The following ARB2A variants were observed in gnomAD, a reference collection of about 807,000 sequenced individuals.
ARB2A encodes cotranscriptional regulator ARB2A.
the ARB2A span, among the ~76,000 whole-genome samples, chr5:93,700,939 C>T: frequency 6.6e-6 from 1 of 151,974 alleles, no homozygotes; most frequent in South Asian, 2.1e-4. Context: ...ACAATGGTAA[C>T]CAAATGAAAA....
chr5:93,853,164 G>A, the ARB2A span, among the ~76,000 whole-genome samples: 1 of 151,966 alleles, frequency 6.6e-6, no homozygotes, highest in Non-Finnish European at 1.5e-5. Flanking sequence ...CCTTGAAGAG[G>A]TCCTTCACGT....
At chr5:93,931,395 C>G in the ARB2A span, among the ~76,000 whole-genome samples, 606 of 152,210 alleles carry the variant, frequency 4.0e-3, 5 homozygotes, top group African/African-American at 0.014. Flanking sequence ...ACCCAGGAGG[C>G]GGAGATTGCA....
At chr5:93,895,301 G>A in the ARB2A span, among the ~76,000 whole-genome samples, 2 of 152,120 alleles carry the variant, frequency 1.3e-5, no homozygotes, top group South Asian at 4.1e-4. Flanking sequence ...TCTGCTTTCC[G>A]AGTCTTCCAA....
chr5:93,633,257 T>A, the ARB2A span, among the ~76,000 whole-genome samples: 1 of 152,230 alleles, frequency 6.6e-6, no homozygotes, highest in Non-Finnish European at 1.5e-5. Flanking sequence ...TAATGGTAGA[T>A]CATTTAGAGT....
the ARB2A span, among the ~76,000 whole-genome samples, chr5:94,028,372 T>C: frequency 6.6e-6 from 1 of 152,214 alleles, no homozygotes; most frequent in Admixed American, 6.5e-5. Flanking sequence ...CCCTGGTATG[T>C]ATGCTCCAGG....
At chr5:94,080,812 C>T in the ARB2A span, among the ~76,000 whole-genome samples, 2 of 152,198 alleles carry the variant, frequency 1.3e-5, no homozygotes, top group Non-Finnish European at 2.9e-5. Flanking sequence ...CAATCCTGTT[C>T]TCCTTCCTTT....
At chr5:93,723,085 A>G in the ARB2A span, among the ~76,000 whole-genome samples, 3 of 152,118 alleles carry the variant, frequency 2.0e-5, no homozygotes, top group African/African-American at 2.4e-5. Flanking sequence ...GAGCTTTCAA[A>G]TGAATTTGCC....
the ARB2A span, among the ~76,000 whole-genome samples, chr5:93,730,923 A>G: frequency 2.0e-5 from 3 of 152,180 alleles, no homozygotes; most frequent in Non-Finnish European, 2.9e-5. Context: ...GGGAGAGAAG[A>G]AATTTTATTT....
the ARB2A span, among the ~76,000 whole-genome samples, chr5:93,905,649 C>T: frequency 1.3e-5 from 2 of 151,486 alleles, no homozygotes; most frequent in African/African-American, 2.4e-5. Flanking sequence ...TCTCTGTTTG[C>T]ATACAAGGGG....
the ARB2A span, among the ~76,000 whole-genome samples, chr5:93,792,916 T>C: frequency 0.028 from 4,283 of 152,112 alleles, 190 homozygotes; most frequent in African/African-American, 0.098. Flanking sequence ...TATTTATATA[T>C]AGATTATCTC....
At chr5:93,928,315 T>C in the ARB2A span, among the ~76,000 whole-genome samples, 2 of 152,182 alleles carry the variant, frequency 1.3e-5, no homozygotes, top group Non-Finnish European at 2.9e-5. Flanking sequence ...GTACCCTGAA[T>C]GTCTAACGGA....
chr5:93,900,589 G>A, the ARB2A span, among the ~76,000 whole-genome samples: 1 of 150,238 alleles, frequency 6.7e-6, no homozygotes. Flanking sequence ...ACTCCAGCCT[G>A]GGCGACAGAG....
chr5:94,085,485 G>A, the ARB2A span, among the ~76,000 whole-genome samples: 1 of 152,196 alleles, frequency 6.6e-6, no homozygotes, highest in Admixed American at 6.5e-5. Context: ...ACTGATTGTT[G>A]TTACGGGCCT....
chr5:93,705,198 G>C, the ARB2A span, among the ~76,000 whole-genome samples: 1 of 152,178 alleles, frequency 6.6e-6, no homozygotes, highest in Non-Finnish European at 1.5e-5. Flanking sequence ...ATGCAAGTGG[G>C]AGATTTGGCT....
the ARB2A span, among the ~76,000 whole-genome samples, chr5:93,651,397 A>G: frequency 2.0e-5 from 3 of 152,190 alleles, no homozygotes; most frequent in African/African-American, 7.2e-5. Flanking sequence ...CTGCCTCCCA[A>G]AGTGCTGGGA....
chr5:93,773,338 T>C, the ARB2A span, among the ~76,000 whole-genome samples: 1 of 152,200 alleles, frequency 6.6e-6, no homozygotes, highest in Non-Finnish European at 1.5e-5. Context: ...GGATGGGTGA[T>C]AAATCCTGAT....
chr5:93,846,853 G>C, the ARB2A span, among the ~76,000 whole-genome samples: 1 of 152,108 alleles, frequency 6.6e-6, no homozygotes, highest in Admixed American at 6.6e-5. Flanking sequence ...GCTGAAAGTT[G>C]AAGTGATGGA....
At chr5:93,946,191 G>A in the ARB2A span, among the ~76,000 whole-genome samples, 2 of 151,996 alleles carry the variant, frequency 1.3e-5, no homozygotes, top group African/African-American at 2.4e-5. Flanking sequence ...GGAGCTTCCT[G>A]TATCTAACAA....
chr5:94,074,937 T>A, the ARB2A span, among the ~76,000 whole-genome samples: 1 of 152,104 alleles, frequency 6.6e-6, no homozygotes, highest in African/African-American at 2.4e-5. Flanking sequence ...TACTTATTTA[T>A]GAATTTATCT....
Sources: gnomAD v4.1 joint callset for allele counts (sites outside exome capture counted in the v4.1 genomes callset) on GRCh38, gnomAD v4.1.1 for gene constraint, MANE v1.5 for transcripts, NCBI Gene and HGNC (gene_info 2026-07-23, HGNC 2026-07-21) for gene names.